The following FBXO4 variants were observed in gnomAD, a reference collection of about 807,000 sequenced individuals.
FBXO4 encodes the protein F-box only protein 4.
A neutral mutation model predicts 43.7 loss-of-function variants in FBXO4; 36 were observed. That is an observed-to-expected ratio of 0.82 (90% CI 0.63 to 1.09). The LOEUF (loss-of-function observed/expected upper bound fraction) is 1.09. Ranked by LOEUF, FBXO4 falls within the 50% of genes least tolerant of loss-of-function variation. The probability of loss-of-function intolerance (pLI) is 0.00; values close to 1 mark genes in which losing one functional copy is unlikely to be tolerated. For missense variants in FBXO4, 435 were observed against 474.1 expected (o/e 0.92, Z 0.77); for synonymous variants, 180 against 165.6 (o/e 1.09, Z -0.67).
At chr5:41,980,072 T>C in the FBXO4 span, among the ~76,000 whole-genome samples, 3 of 152,124 alleles carry the variant, frequency 2.0e-5, no homozygotes, top group African/African-American at 7.2e-5. Flanking sequence ...AAACTTAATA[T>C]AGGGATAGTC....
chr5:41,947,322 A>T, the FBXO4 span, among the ~76,000 whole-genome samples: 1 of 152,268 alleles, frequency 6.6e-6, no homozygotes, highest in Non-Finnish European at 1.5e-5. Context: ...TTAGGCTGAC[A>T]GAGGAAGGAT....
the FBXO4 span, among the ~76,000 whole-genome samples, chr5:41,990,854 A>C: frequency 1.3e-5 from 2 of 152,322 alleles, no homozygotes; most frequent in South Asian, 2.1e-4. Flanking sequence ...TTATGGAAGA[A>C]GTTCTTGCTC....
At chr5:41,992,354 T>G in the FBXO4 span, among the ~76,000 whole-genome samples, 2 of 152,326 alleles carry the variant, frequency 1.3e-5, no homozygotes, top group African/African-American at 4.8e-5. Context: ...TCAGAGGACT[T>G]TGGTGCTAAA....
chr5:42,037,340 C>A, the FBXO4 span, among the ~76,000 whole-genome samples: 34 of 152,058 alleles, frequency 2.2e-4, 1 homozygote, highest in East Asian at 4.8e-3. Context: ...TTCTTTTTAG[C>A]CCTGATAGAA....
the FBXO4 span, among the ~76,000 whole-genome samples, chr5:41,949,820 C>G: frequency 6.6e-6 from 1 of 152,132 alleles, no homozygotes; most frequent in Non-Finnish European, 1.5e-5. Flanking sequence ...AACTATACTA[C>G]AAGGCTACAG....
chr5:41,956,622 A>T, the FBXO4 span, among the ~76,000 whole-genome samples: 1 of 151,180 alleles, frequency 6.6e-6, no homozygotes, highest in Non-Finnish European at 1.5e-5. Context: ...TTTAAAGATG[A>T]TATTTCATTG....
chr5:41,928,522 G>T (rs933942432), intron 2 of FBXO4: 3 of 153,096 alleles, frequency 2.0e-5, no homozygotes, highest in African/African-American at 7.2e-5. Context: ...TTTTAGTAGA[G>T]ACGGGGTTTC....
chr5:41,977,971 G>T, the FBXO4 span, among the ~76,000 whole-genome samples: 1 of 152,124 alleles, frequency 6.6e-6, no homozygotes, highest in Admixed American at 6.5e-5. Flanking sequence ...TAAGGGAATA[G>T]TTACAACTGG....
At chr5:41,963,805 C>G in the FBXO4 span, 12 of 152,168 alleles carry the variant, frequency 7.9e-5, no homozygotes, top group African/African-American at 2.6e-4. Flanking sequence ...ATATGTGGAC[C>G]TGTGCAGTTT....
the FBXO4 span, among the ~76,000 whole-genome samples, chr5:42,040,012 C>T: frequency 6.6e-6 from 1 of 152,112 alleles, no homozygotes. Context: ...ATGAAACCAG[C>T]TCTGGCTGAC....
At chr5:41,996,006 C>T in the FBXO4 span, among the ~76,000 whole-genome samples, 1 of 152,188 alleles carries the variant, frequency 6.6e-6, no homozygotes, top group Admixed American at 6.5e-5. Context: ...GCCTGCATAT[C>T]ATGCAGAACC....
the FBXO4 span, among the ~76,000 whole-genome samples, chr5:41,960,546 G>C: frequency 6.6e-6 from 1 of 152,036 alleles, no homozygotes; most frequent in Non-Finnish European, 1.5e-5. Context: ...CATTTGTTGG[G>C]AGTTTTATGA....
downstream of FBXO4, among the ~76,000 whole-genome samples, chr5:41,944,208 A>G (rs191905900): frequency 1.3e-5 from 2 of 152,314 alleles, no homozygotes; most frequent in Admixed American, 1.3e-4. Flanking sequence ...ATCAAATGGA[A>G]GTTCTTATTT....
At chr5:41,972,719 A>T in the FBXO4 span, among the ~76,000 whole-genome samples, 12 of 152,188 alleles carry the variant, frequency 7.9e-5, no homozygotes, top group Non-Finnish European at 1.8e-4. Flanking sequence ...ACTGGTAAGA[A>T]AATAGACACA....
rs780017102 is a variant in FBXO4 at position 41,934,035 on chromosome 5, C to T, written c.722+14C>T. 1 of 1,612,578 alleles carries T rather than the reference C, an allele frequency of 6.2e-7. No homozygotes were observed. Among genetic ancestry groups the T allele is most frequent in the Non-Finnish European group, 8.5e-7 (1 of 1,178,754 alleles). On this transcript the variant is annotated intron_variant, in intron 4 of 6. Transcript: ENST00000281623. ...TTCAACTACCAGGTAAGGCTACATA[C>T]TTGGTGGCTTAACTGAAACATCAGA... is the stretch of plus-strand genomic sequence containing the variant.
chr5:41,986,689 G>A, the FBXO4 span, among the ~76,000 whole-genome samples: 1 of 151,996 alleles, frequency 6.6e-6, no homozygotes, highest in East Asian at 1.9e-4. Context: ...GCTAACCTGA[G>A]GCAAGATAGC....
At chr5:41,999,563 G>GTA in the FBXO4 span, among the ~76,000 whole-genome samples, 52 of 100,508 alleles carry the variant, frequency 5.2e-4, no homozygotes, top group Non-Finnish European at 7.4e-4. Context: ...ATATATATAT[G>GTA]TATATATATA....
chr5:41,949,792 T>A, the FBXO4 span, among the ~76,000 whole-genome samples: 1 of 152,292 alleles, frequency 6.6e-6, no homozygotes, highest in South Asian at 2.1e-4. Flanking sequence ...GCTGGAAGCA[T>A]CATGCTACCT....
At chr5:41,956,712 CTTT>C in the FBXO4 span, among the ~76,000 whole-genome samples, 1 of 126,698 alleles carries the variant, frequency 7.9e-6, no homozygotes. Context: ...TTTTCTTCTT[CTTT>C]TTTTTTTTTT....
Sources: gnomAD v4.1 joint callset for allele counts (sites outside exome capture counted in the v4.1 genomes callset) on GRCh38, gnomAD v4.1.1 for gene constraint, MANE v1.5 for transcripts, NCBI Gene and HGNC (gene_info 2026-07-23, HGNC 2026-07-21) for gene names.